FARS2: variants seen among roughly 807,000 people sequenced by gnomAD.
FARS2 encodes phenylalanyl-tRNA synthetase 2, mitochondrial, also known as phenylalanine--tRNA ligase, mitochondrial.
A neutral mutation model predicts 46.4 loss-of-function variants in FARS2; 40 were observed. The observed-to-expected ratio is 0.86, with a 90% CI of 0.67 to 1.12. The LOEUF is 1.12. Ranked by LOEUF, FARS2 falls within the 50% of genes most tolerant of loss-of-function variation. The pLI is 0.00. For missense variants in FARS2, 513 were observed against 567.9 expected (o/e 0.90, Z 0.98); for synonymous variants, 234 against 214.9 (o/e 1.09, Z -0.78).
intron 4 of FARS2, among the ~76,000 whole-genome samples, chr6:5,464,676 C>T (rs1411835604): frequency 6.6e-6 from 1 of 152,132 alleles, no homozygotes; most frequent in Non-Finnish European, 1.5e-5. Flanking sequence ...GGACCACATA[C>T]AGTATTTTCC....
chr6:5,538,138 T>C (rs10080829), intron 4 of FARS2, among the ~76,000 whole-genome samples: 3,211 of 138,916 alleles, frequency 0.023, 42 homozygotes, highest in Admixed American at 0.029. Context: ...TCACTAGTTT[T>C]GGAATGAGGC....
At chr6:5,678,348 C>T (rs1415088860) in intron 6 of FARS2, among the ~76,000 whole-genome samples, 5 of 152,074 alleles carry the variant, frequency 3.3e-5, no homozygotes, top group Admixed American at 6.6e-5. Context: ...CCTTTGTAGA[C>T]TTGGGAGGAA....
intron 6 of FARS2, among the ~76,000 whole-genome samples, chr6:5,713,093 C>G (rs953759481): frequency 6.6e-6 from 1 of 152,198 alleles, no homozygotes. Flanking sequence ...ATGGTCCTGG[C>G]AATTTGGCAT....
At chr6:5,714,603 G>A (rs1304248333) in intron 6 of FARS2, among the ~76,000 whole-genome samples, 2 of 152,128 alleles carry the variant, frequency 1.3e-5, no homozygotes, top group African/African-American at 2.4e-5. Context: ...AAAAAGGTTA[G>A]AGCCAACAAA....
At chr6:5,659,890 C>T (rs113525196) in intron 6 of FARS2, among the ~76,000 whole-genome samples, 23 of 152,290 alleles carry the variant, frequency 1.5e-4, no homozygotes, top group African/African-American at 4.6e-4. Context: ...GTTAGTTATT[C>T]GAAGGAACTT....
At chr6:5,323,570 A>G (rs760903343) in intron 1 of FARS2, among the ~76,000 whole-genome samples, 46 of 152,236 alleles carry the variant, frequency 3.0e-4, no homozygotes, top group Non-Finnish European at 6.2e-4. Context: ...AAATATGACA[A>G]TTAGGATGTA....
intron 3 of FARS2, among the ~76,000 whole-genome samples, chr6:5,419,335 G>C (rs1762414530): frequency 1.3e-5 from 2 of 152,200 alleles, no homozygotes; most frequent in South Asian, 4.2e-4. Context: ...GTCTCAGATT[G>C]TTTCATAAAA....
At chr6:5,496,483 A>T (rs1370193362) in intron 4 of FARS2, among the ~76,000 whole-genome samples, 1 of 152,202 alleles carries the variant, frequency 6.6e-6, no homozygotes, top group Non-Finnish European at 1.5e-5. Context: ...CGGGTGCCAT[A>T]ACAAATACTG....
intron 5 of FARS2, among the ~76,000 whole-genome samples, chr6:5,546,318 T>C (rs1247193277): frequency 2.0e-5 from 3 of 151,142 alleles, no homozygotes. Context: ...GTGCGCGATC[T>C]TGGCTCACTG....
intron 6 of FARS2, among the ~76,000 whole-genome samples, chr6:5,684,079 T>C (rs1779170897): frequency 6.6e-6 from 1 of 152,180 alleles, no homozygotes; most frequent in Admixed American, 6.5e-5. Flanking sequence ...TATAGAGAGA[T>C]TATAACTTTC....
At chr6:5,719,538 G>A (rs972693088) in intron 6 of FARS2, among the ~76,000 whole-genome samples, 6 of 152,174 alleles carry the variant, frequency 3.9e-5, no homozygotes, top group East Asian at 1.9e-4. Flanking sequence ...TTTTGAAAGC[G>A]GGAGACCTTT....
intron 4 of FARS2, among the ~76,000 whole-genome samples, chr6:5,507,046 C>G (rs1332368599): frequency 1.3e-5 from 2 of 152,308 alleles, no homozygotes; most frequent in Middle Eastern, 3.4e-3. Context: ...AGTTTTAGAT[C>G]TTTCTAAAAT....
chr6:5,760,278 G>A (rs1762415236), intron 6 of FARS2, among the ~76,000 whole-genome samples: 1 of 152,218 alleles, frequency 6.6e-6, no homozygotes, highest in Non-Finnish European at 1.5e-5. Flanking sequence ...TGGGGGTTGA[G>A]GGTGATGCCG....
In FARS2 at chr6:5,291,714, A is replaced by AGCCACT. The variant is rs1360300220; in HGVS notation, c.-22+30057_-22+30062dup. Among the ~76,000 whole-genome samples, 9 of 152,142 alleles carry AGCCACT rather than the reference A, an allele frequency of 5.9e-5. No individual in the cohort carries two copies. The South Asian group carries it at 1.5e-3, about 25-fold the overall frequency. ...TTGAGGCTAAAGTGAGCTGTGATTG[A>AGCCACT]GCCACTGCAAGCCAGTATGGACAAC... On this transcript the variant is annotated intron_variant, in intron 1 of 6. Coordinates refer to ENST00000274680, the MANE Select transcript of FARS2 (RefSeq NM_006567.5).
chr6:5,270,770 A>C (rs2773325), intron 1 of FARS2, among the ~76,000 whole-genome samples: 116,497 of 152,072 alleles, frequency 0.77, 44,725 homozygotes, highest in East Asian at 0.84. Flanking sequence ...CCACTTCTCC[A>C]GTCCCATGTC....
At chr6:5,418,327 C>T (rs1762356021) in intron 3 of FARS2, among the ~76,000 whole-genome samples, 1 of 152,202 alleles carries the variant, frequency 6.6e-6, no homozygotes, top group South Asian at 2.1e-4. Flanking sequence ...TTCCTAATAT[C>T]CGCGAGCTTT....
intron 5 of FARS2, among the ~76,000 whole-genome samples, chr6:5,578,826 A>AC (rs1561727273): frequency 1.4e-5 from 2 of 142,520 alleles, no homozygotes; most frequent in Admixed American, 7.0e-5. Context: ...AAAAAAAAAA[A>AC]AAAAAAACAA....
intron 5 of FARS2, among the ~76,000 whole-genome samples, chr6:5,569,390 C>T (rs889293527): frequency 6.6e-6 from 1 of 152,038 alleles, no homozygotes; most frequent in Admixed American, 6.6e-5. Flanking sequence ...GCATATGCCC[C>T]CATGCCCGGC....
At chr6:5,385,091 C>T (rs1288816818) in intron 2 of FARS2, among the ~76,000 whole-genome samples, 2 of 152,126 alleles carry the variant, frequency 1.3e-5, no homozygotes, top group Non-Finnish European at 2.9e-5. Flanking sequence ...GAGGGACTTC[C>T]CATAGAGACC....
Sources: gnomAD v4.1 joint callset for allele counts (sites outside exome capture counted in the v4.1 genomes callset) on GRCh38, gnomAD v4.1.1 for gene constraint, MANE v1.5 for transcripts, NCBI Gene and HGNC (gene_info 2026-07-23, HGNC 2026-07-21) for gene names.